The following HHAT variants were observed in gnomAD, a reference collection of about 807,000 sequenced individuals.
HHAT encodes the protein protein-cysteine N-palmitoyltransferase HHAT.
In HHAT, 47 loss-of-function variants were observed where a neutral mutation model predicts 70.8. The ratio of observed to expected loss-of-function variants is 0.66; its 90% CI spans 0.53 to 0.85. HHAT has a LOEUF of 0.85. HHAT is among the 40% of genes least tolerant of loss of function. The pLI, the probability that HHAT is intolerant of heterozygous loss-of-function variation, is 0.00. For synonymous variants in HHAT, 228 were observed against 247.6 expected (o/e 0.92, Z 0.74); for missense variants, 609 against 604.8 (o/e 1.01, Z -0.07).
intron 7 of HHAT, among the ~76,000 whole-genome samples, chr1:210,447,046 C>T (rs1208682692): frequency 1.3e-5 from 2 of 152,026 alleles, no homozygotes; most frequent in South Asian, 2.1e-4. Flanking sequence ...GGCTAAACCC[C>T]TTTATAGGTT....
chr1:210,558,001 T>A (rs1013655498), intron 9 of HHAT, among the ~76,000 whole-genome samples: 5 of 152,190 alleles, frequency 3.3e-5, no homozygotes, highest in Admixed American at 2.6e-4. Flanking sequence ...TTCAGTGGTA[T>A]CCTGGAAAAG....
intron 7 of HHAT, among the ~76,000 whole-genome samples, chr1:210,445,778 G>A (rs1198236959): frequency 6.6e-6 from 1 of 152,050 alleles, no homozygotes; most frequent in African/African-American, 2.4e-5. Context: ...GACATCTCCT[G>A]CCACCTGCCC....
At chr1:210,386,903 A>G (rs778996170) in intron 3 of HHAT, among the ~76,000 whole-genome samples, 13 of 152,210 alleles carry the variant, frequency 8.5e-5, no homozygotes, top group Non-Finnish European at 1.5e-4. Flanking sequence ...TTCCTTCATT[A>G]TAAATTTATA....
intron 8 of HHAT, among the ~76,000 whole-genome samples, chr1:210,509,016 G>A (rs1260576594): frequency 2.0e-5 from 3 of 152,286 alleles, no homozygotes; most frequent in Non-Finnish European, 2.9e-5. Context: ...GTACTTCAGC[G>A]TATGCTTCTA....
At chr1:210,412,626 T>C (rs1249641784) in intron 6 of HHAT, among the ~76,000 whole-genome samples, 1 of 152,236 alleles carries the variant, frequency 6.6e-6, no homozygotes, top group African/African-American at 2.4e-5. Flanking sequence ...GGCTCATTAC[T>C]CTGCCCTCCA....
intron 9 of HHAT, among the ~76,000 whole-genome samples, chr1:210,577,241 G>A (rs941613512): frequency 1.3e-5 from 2 of 152,060 alleles, no homozygotes; most frequent in African/African-American, 4.8e-5. Context: ...TGGTGAGAGT[G>A]GGCATTCTTG....
intron 1 of HHAT, among the ~76,000 whole-genome samples, chr1:210,336,726 A>G (rs764124615): frequency 6.6e-6 from 1 of 152,166 alleles, no homozygotes; most frequent in Non-Finnish European, 1.5e-5. Flanking sequence ...TGAGGCTGCA[A>G]TGAGCTATGA....
chr1:210,421,265 T>C (rs1242708811), intron 7 of HHAT, among the ~76,000 whole-genome samples: 1 of 152,072 alleles, frequency 6.6e-6, no homozygotes, highest in Non-Finnish European at 1.5e-5. Context: ...CAAAACATCA[T>C]GGTACTGGCA....
chr1:210,673,608 C>G (rs116716858), intron 11 of HHAT, among the ~76,000 whole-genome samples: 4,476 of 147,884 alleles, frequency 0.03, 86 homozygotes, highest in Middle Eastern at 0.062. Context: ...TTTTTTTAAA[C>G]CAATACTGGG....
At chr1:210,636,652 A>ATT (rs1671919964) in intron 11 of HHAT, among the ~76,000 whole-genome samples, 1 of 152,200 alleles carries the variant, frequency 6.6e-6, no homozygotes, top group Non-Finnish European at 1.5e-5. Flanking sequence ...CAATTTTAGA[A>ATT]TTCTATTTTC....
At chr1:210,563,469 G>A (rs1385133412) in intron 9 of HHAT, among the ~76,000 whole-genome samples, 1 of 152,118 alleles carries the variant, frequency 6.6e-6, no homozygotes, top group Non-Finnish European at 1.5e-5. Flanking sequence ...TGGAAAGCAC[G>A]ATGGGGAGGG....
At chr1:210,429,144 T>A (rs2148317616) in intron 7 of HHAT, among the ~76,000 whole-genome samples, 1 of 152,000 alleles carries the variant, frequency 6.6e-6, no homozygotes, top group African/African-American at 2.4e-5. Context: ...ATCTAGAATG[T>A]TTGAAGGAAT....
At chr1:210,414,397 A>G (rs995532037) in intron 6 of HHAT, among the ~76,000 whole-genome samples, 4 of 152,176 alleles carry the variant, frequency 2.6e-5, no homozygotes, top group Admixed American at 2.0e-4. Flanking sequence ...TTCTTTTGCT[A>G]GTGGTTATTA....
chr1:210,365,426 C>T (rs906784525), intron 3 of HHAT, among the ~76,000 whole-genome samples: 6 of 141,982 alleles, frequency 4.2e-5, no homozygotes, highest in Non-Finnish European at 6.0e-5. Context: ...CAGTGATTCT[C>T]CCACATCAGC....
At chr1:210,442,861 T>A (rs2093552940) in intron 7 of HHAT, among the ~76,000 whole-genome samples, 1 of 152,192 alleles carries the variant, frequency 6.6e-6, no homozygotes, top group Admixed American at 6.5e-5. Context: ...TTTAATTAGA[T>A]CCCATTTGTC....
rs543922182 is a variant in HHAT, at chr1:210,663,419, A to G, written c.1391-10869A>G. Reference sequence around the variant, plus strand: ...GCAAGCTGCTGCTGTCTGAGCTTCAATGGTCAAGTGTACTGTGGAGCCACA... The same window carrying G: ...GCAAGCTGCTGCTGTCTGAGCTTCAGTGGTCAAGTGTACTGTGGAGCCACA... On this transcript the variant is annotated intron_variant, in intron 11 of 11. Transcript: ENST00000261458. Among the ~76,000 whole-genome samples the G allele has an allele frequency of 1.8e-4, 28 of 152,322 alleles. 1 individual carries two copies. In the South Asian group the frequency reaches 2.5e-3, roughly 14 times the overall value.
intron 11 of HHAT, among the ~76,000 whole-genome samples, chr1:210,651,062 G>A (rs1675032442): frequency 1.3e-5 from 2 of 152,304 alleles, no homozygotes; most frequent in East Asian, 3.9e-4. Flanking sequence ...AATGGAGCCT[G>A]GAGTAATTGT....
At chr1:210,573,903 A>G (rs1488004170) in intron 9 of HHAT, among the ~76,000 whole-genome samples, 1 of 152,238 alleles carries the variant, frequency 6.6e-6, no homozygotes, top group Non-Finnish European at 1.5e-5. Context: ...AAGAGGCAAA[A>G]GAGATGAACC....
chr1:210,593,810 A>G (rs908200941), intron 10 of HHAT, among the ~76,000 whole-genome samples: 1 of 152,082 alleles, frequency 6.6e-6, no homozygotes, highest in Non-Finnish European at 1.5e-5. Flanking sequence ...CTTTAGCTCT[A>G]ATAATATTTG....
Sources: allele counts gnomAD v4.1 joint callset (sites outside exome capture counted in the v4.1 genomes callset), GRCh38; gene constraint gnomAD v4.1.1; transcripts MANE v1.5; gene names NCBI Gene and HGNC (gene_info 2026-07-23, HGNC 2026-07-21).